TBC1D19: variants seen among roughly 807,000 people sequenced by gnomAD.
The protein encoded by TBC1D19 is TBC1 domain family, member 19.
In TBC1D19, 60 loss-of-function variants were observed where a neutral mutation model predicts 89.0. That is an observed-to-expected ratio of 0.67 (90% CI 0.55 to 0.84). The LOEUF is 0.84. Among genes scored for constraint, TBC1D19 ranks in the 40% least tolerant of loss-of-function variants. The pLI, the probability that TBC1D19 is intolerant of heterozygous loss-of-function variation, is 0.00. For missense variants in TBC1D19, 500 were observed against 610.8 expected (o/e 0.82, Z 1.91); for synonymous variants, 189 against 199.7 (o/e 0.95, Z 0.45).
At chr4:26,844,997 T>C in the TBC1D19 span, among the ~76,000 whole-genome samples, 1 of 152,252 alleles carries the variant, frequency 6.6e-6, no homozygotes, top group East Asian at 1.9e-4. Flanking sequence ...ATCCTGTTTT[T>C]TTCACTTATT....
At chr4:26,712,136 A>G (rs1440580906) in intron 13 of TBC1D19, among the ~76,000 whole-genome samples, 2 of 152,114 alleles carry the variant, frequency 1.3e-5, no homozygotes, top group Non-Finnish European at 2.9e-5. Flanking sequence ...GCAATAGTAG[A>G]AAGTTGTTTG....
At chr4:26,705,449 A>G (rs1218654660) in intron 13 of TBC1D19, among the ~76,000 whole-genome samples, 2 of 152,094 alleles carry the variant, frequency 1.3e-5, no homozygotes, top group Non-Finnish European at 2.9e-5. Context: ...TTTTGACTTA[A>G]TTTTTGGATA....
chr4:26,781,583 C>T, the TBC1D19 span, among the ~76,000 whole-genome samples: 2 of 152,196 alleles, frequency 1.3e-5, no homozygotes, highest in African/African-American at 2.4e-5. Flanking sequence ...TTTTAATTAA[C>T]ATTTTAAGTG....
At chr4:26,605,168 G>T (rs983696304) in intron 1 of TBC1D19, among the ~76,000 whole-genome samples, 1 of 149,476 alleles carries the variant, frequency 6.7e-6, no homozygotes, top group Non-Finnish European at 1.5e-5. Context: ...TCGTCATTTA[G>T]CATTAGGTAT....
At chr4:26,749,448 G>GTGTTT (rs1553916769) in intron 19 of TBC1D19, among the ~76,000 whole-genome samples, 1 of 107,154 alleles carries the variant, frequency 9.3e-6, no homozygotes, top group Non-Finnish European at 2.1e-5. Context: ...TATTCGGGTT[G>GTGTTT]TTTTTTTTTT....
At chr4:26,800,467 C>T in the TBC1D19 span, among the ~76,000 whole-genome samples, 25 of 152,282 alleles carry the variant, frequency 1.6e-4, no homozygotes, top group African/African-American at 5.8e-4. Flanking sequence ...AATAAACATA[C>T]GTGTGCATGT....
At chr4:26,714,471 C>T (rs1553913176) in intron 13 of TBC1D19, among the ~76,000 whole-genome samples, 1 of 152,044 alleles carries the variant, frequency 6.6e-6, no homozygotes, top group Non-Finnish European at 1.5e-5. Flanking sequence ...TAACTAATCT[C>T]TCAACAGCAT....
At chr4:26,799,461 C>G in the TBC1D19 span, among the ~76,000 whole-genome samples, 1 of 151,926 alleles carries the variant, frequency 6.6e-6, no homozygotes, top group South Asian at 2.1e-4. Context: ...ATATGAAAAA[C>G]TTTTGTTTGG....
chr4:26,691,109 G>T (rs905004068), intron 13 of TBC1D19, among the ~76,000 whole-genome samples: 2 of 152,136 alleles, frequency 1.3e-5, no homozygotes, highest in Non-Finnish European at 2.9e-5. Context: ...AGGAAGTAAC[G>T]GTCACTGTGG....
intron 7 of TBC1D19, among the ~76,000 whole-genome samples, chr4:26,642,336 G>A (rs1397536503): frequency 2.0e-5 from 3 of 152,108 alleles, no homozygotes; most frequent in East Asian, 3.9e-4. Context: ...ACTAAGCTTC[G>A]TAAGTGAAGG....
At chr4:26,614,897 C>A (rs949207456) in intron 3 of TBC1D19, among the ~76,000 whole-genome samples, 12 of 152,070 alleles carry the variant, frequency 7.9e-5, no homozygotes, top group African/African-American at 2.7e-4. Context: ...AGTCTAGTCT[C>A]GAACTCCTGA....
intron 1 of TBC1D19, among the ~76,000 whole-genome samples, chr4:26,594,197 G>A (rs1740034348): frequency 6.6e-6 from 1 of 152,088 alleles, no homozygotes; most frequent in African/African-American, 2.4e-5. Context: ...GTAGGGACAT[G>A]GATGAAGCTG....
chr4:26,749,060 A>G (rs557218815), intron 19 of TBC1D19, among the ~76,000 whole-genome samples: 3 of 151,476 alleles, frequency 2.0e-5, no homozygotes, highest in Non-Finnish European at 4.4e-5. Flanking sequence ...TTCCCCTTTT[A>G]TTCTCTCAGG....
At chr4:26,602,731 C>T (rs551332500) in intron 1 of TBC1D19, among the ~76,000 whole-genome samples, 6 of 151,788 alleles carry the variant, frequency 4.0e-5, no homozygotes, top group East Asian at 1.9e-4. Context: ...TGAGCCACCA[C>T]GCCCAGCCAG....
the TBC1D19 span, among the ~76,000 whole-genome samples, chr4:26,819,013 C>T: frequency 6.6e-6 from 1 of 152,342 alleles, no homozygotes; most frequent in East Asian, 1.9e-4. Context: ...CTTCTGGAAA[C>T]AATGGTTGTG....
At chr4:26,735,093 CATGTATAT>C (rs758648612) in intron 15 of TBC1D19, among the ~76,000 whole-genome samples, 35 of 149,588 alleles carry the variant, frequency 2.3e-4, no homozygotes, top group Admixed American at 3.3e-4. Flanking sequence ...TATGTATACA[CATGTATAT>C]ATGTATATAT....
intron 3 of TBC1D19, among the ~76,000 whole-genome samples, chr4:26,616,281 CA>C (rs1741696876): frequency 6.6e-6 from 1 of 152,104 alleles, no homozygotes; most frequent in Admixed American, 6.6e-5. Context: ...AGCATTGGAT[CA>C]GGGGCAGTAT....
intron 20 of TBC1D19, among the ~76,000 whole-genome samples, 192 bp from the exon 21 acceptor site, chr4:26,754,681 C>T (rs541055012): frequency 6.6e-6 from 1 of 152,238 alleles, no homozygotes; most frequent in East Asian, 1.9e-4. Context: ...TTTTCTACAG[C>T]ACATTTCAGC....
chr4:26,651,218 C>A (rs1272484370), intron 7 of TBC1D19, among the ~76,000 whole-genome samples: 1 of 152,030 alleles, frequency 6.6e-6, no homozygotes, highest in Non-Finnish European at 1.5e-5. Flanking sequence ...TGGTTCCATG[C>A]AAACTTTATG....
Sources: allele counts gnomAD v4.1 joint callset (sites outside exome capture counted in the v4.1 genomes callset), GRCh38; gene constraint gnomAD v4.1.1; transcripts MANE v1.5; gene names NCBI Gene and HGNC (gene_info 2026-07-23, HGNC 2026-07-21).